The following AGPS variants were observed in gnomAD, a reference collection of about 807,000 sequenced individuals.
The protein encoded by AGPS is alkylglycerone phosphate synthase, also known as alkyldihydroxyacetonephosphate synthase, peroxisomal.
Under a neutral mutation model 90.7 loss-of-function variants are expected in AGPS, and 26 were observed. The ratio of observed to expected loss-of-function variants is 0.29; its 90% confidence interval spans 0.21 to 0.40. The LOEUF is 0.40. AGPS is among the 10% of genes least tolerant of loss of function. AGPS has a pLI of 1.00. For missense variants in AGPS, 540 were observed against 816.1 expected (o/e 0.66, Z 4.12); for synonymous variants, 294 against 285.3 (o/e 1.03, Z -0.31).
intron 1 of AGPS, among the ~76,000 whole-genome samples, chr2:177,418,766 ATC>A (rs1232035235): frequency 6.6e-6 from 1 of 151,784 alleles, no homozygotes; most frequent in East Asian, 1.9e-4. Context: ...GAATGTGAAA[ATC>A]TTATGGTTCA....
Position 177,393,025 on chromosome 2 carries a change from A to T in AGPS, c.236A>T (p.Glu79Val), listed in dbSNP as rs1189704825. 1.3e-6 allele frequency: 2 copies of T among 1,550,188 alleles called. No individual in the cohort carries two copies. Among genetic ancestry groups the T allele is most frequent in the East Asian group, 4.9e-5 (2 of 40,898 alleles). Residue 79 changes from glutamate (E) to valine (V), a missense_variant, in exon 1 of 20, where the codon GAG (glutamate) becomes GTG (valine). Coordinates refer to ENST00000264167, the MANE Select transcript of AGPS (RefSeq NM_003659.4). The part of the protein sequence containing the change: ...AAPTATPAAQ[E>V]SGTIPKKRQE... ...CCCACGGCCACTCCCGCCGCGCAGGAGTCGGGCACCATCCCAAAGAAGCGG... is the reference window on the plus strand; with the variant it reads ...CCCACGGCCACTCCCGCCGCGCAGGTGTCGGGCACCATCCCAAAGAAGCGG...
intron 9 of AGPS, among the ~76,000 whole-genome samples, chr2:177,467,964 A>G (rs1335083249): frequency 1.3e-5 from 2 of 152,030 alleles, no homozygotes; most frequent in African/African-American, 2.4e-5. Flanking sequence ...ACTGTTTTCT[A>G]CTAAGTGGGA....
chr2:177,524,971 T>G (rs1280627562), intron 19 of AGPS, among the ~76,000 whole-genome samples: 1 of 152,226 alleles, frequency 6.6e-6, no homozygotes, highest in Non-Finnish European at 1.5e-5. Flanking sequence ...TTTAATCTTT[T>G]GCTATACTTT....
chr2:177,499,384 G>A (rs1418336414), intron 13 of AGPS, among the ~76,000 whole-genome samples: 1 of 151,594 alleles, frequency 6.6e-6, no homozygotes, highest in East Asian at 1.9e-4. Flanking sequence ...TAACACTGTG[G>A]CATACTTTGA....
chr2:177,477,768 T>C (rs1317070111), intron 10 of AGPS, among the ~76,000 whole-genome samples: 1 of 152,204 alleles, frequency 6.6e-6, no homozygotes, highest in Admixed American at 6.5e-5. Flanking sequence ...CTTAGCCCAA[T>C]AGAGCTTTAC....
chr2:177,521,365 T>G lies in AGPS; in HGVS notation c.1794T>G (p.Thr598=). 5 of 1,612,150 alleles carry G rather than the reference T, an allele frequency of 3.1e-6. No individual in the cohort carries two copies. The highest frequency in any genetic ancestry group is 4.2e-6 in the Non-Finnish European group (5 of 1,178,166). ...ISDPLTVFEQ[T]EAAAREEILA... is the part of the protein sequence containing the mutation. ...ACCCACTGACCGTATTTGAACAAAC[T>G]GAGGTAATTTTGCATACCTGCATAT... Residue 598 remains threonine (T), a synonymous_variant, in exon 18 of 20, where the codon ACT becomes ACG. Transcript: ENST00000264167.
intron 11 of AGPS, among the ~76,000 whole-genome samples, chr2:177,485,771 G>C (rs1688074944): frequency 6.6e-6 from 1 of 152,112 alleles, no homozygotes; most frequent in South Asian, 2.1e-4. Context: ...ACAAAAATTA[G>C]CTGGGTATGG....
chr2:177,485,230 T>C (rs1474126334), intron 11 of AGPS, among the ~76,000 whole-genome samples: 1 of 152,192 alleles, frequency 6.6e-6, no homozygotes, highest in Non-Finnish European at 1.5e-5. Flanking sequence ...AGTACACTCA[T>C]AAAGCTTTTG....
intron 10 of AGPS, among the ~76,000 whole-genome samples, chr2:177,478,888 C>G (rs1394666709): frequency 6.6e-6 from 1 of 151,782 alleles, no homozygotes; most frequent in Non-Finnish European, 1.5e-5. Context: ...TAGGCTATAT[C>G]TCTAGTGAAT....
intron 17 of AGPS, among the ~76,000 whole-genome samples, chr2:177,520,324 G>A (rs1226584228): frequency 6.6e-6 from 1 of 152,172 alleles, no homozygotes; most frequent in Non-Finnish European, 1.5e-5. Flanking sequence ...ACTTTGAAGA[G>A]ATTATAATTT....
chr2:177,450,086 C>T lies in AGPS; in HGVS notation c.870+4460C>T, dbSNP rs1037145928. ...TCTCCTGACCTTGTGATCCATCTAC[C>T]TCGGCCTCCCAAAGTGCTAGGATTA... On this transcript the variant is annotated intron_variant, in intron 8 of 19. Transcript: ENST00000264167. Among the ~76,000 whole-genome samples, 15 of 152,256 alleles carry T rather than the reference C, an allele frequency of 9.9e-5. No homozygotes were observed. In the East Asian group the frequency reaches 2.9e-3, roughly 29 times the overall value.
chr2:177,504,213 A>C (rs1470601180), intron 14 of AGPS, among the ~76,000 whole-genome samples: 2 of 152,062 alleles, frequency 1.3e-5, no homozygotes, highest in Non-Finnish European at 2.9e-5. Context: ...TCTTGGACTC[A>C]GAGTCTGACT....
At chr2:177,488,724 G>A (rs1220258964) in intron 11 of AGPS, among the ~76,000 whole-genome samples, 2 of 152,076 alleles carry the variant, frequency 1.3e-5, no homozygotes, top group African/African-American at 2.4e-5. Flanking sequence ...TATTTCCAAG[G>A]TAGTCTCTAG....
intron 3 of AGPS, among the ~76,000 whole-genome samples, chr2:177,436,162 A>G (rs944715506): frequency 5.3e-3 from 19 of 3,552 alleles, no homozygotes; most frequent in Admixed American, 0.013. Context: ...TTTTTTTGCG[A>G]CAGAGTCTCG....
intron 14 of AGPS, among the ~76,000 whole-genome samples, chr2:177,503,060 A>G (rs923616993): frequency 1.3e-5 from 2 of 152,028 alleles, no homozygotes; most frequent in Non-Finnish European, 2.9e-5. Context: ...TATTAGCTTT[A>G]CATTGATTTT....
chr2:177,461,748 C>CTTTTT (rs56895184), intron 8 of AGPS, 145 bp from the exon 9 acceptor site: 2 of 467,004 alleles, frequency 4.3e-6, no homozygotes, highest in South Asian at 2.5e-5. Flanking sequence ...ATAAAAGTAT[C>CTTTTT]TTTTTTTTTT....
At chr2:177,531,891 A>G (rs2079141189) in intron 19 of AGPS, among the ~76,000 whole-genome samples, 1 of 151,800 alleles carries the variant, frequency 6.6e-6, no homozygotes, top group Admixed American at 6.6e-5. Context: ...TAGCGGAGGA[A>G]GCATAGCTTT....
intron 17 of AGPS, among the ~76,000 whole-genome samples, chr2:177,517,405 A>C (rs770267777): frequency 4.6e-5 from 7 of 152,148 alleles, no homozygotes; most frequent in Non-Finnish European, 8.8e-5. Context: ...TGAAGATGCT[A>C]TATTTCACTC....
intron 5 of AGPS, among the ~76,000 whole-genome samples, chr2:177,440,050 A>G (rs535814186): frequency 3.1e-4 from 47 of 152,298 alleles, no homozygotes; most frequent in Middle Eastern, 3.4e-3. Flanking sequence ...TGTTTAAACA[A>G]TAAATCATCA....
Sources: gnomAD v4.1 joint callset for allele counts (sites outside exome capture counted in the v4.1 genomes callset) on GRCh38, gnomAD v4.1.1 for gene constraint, MANE v1.5 for transcripts, NCBI Gene and HGNC (gene_info 2026-07-23, HGNC 2026-07-21) for gene names.